Variants in DNAH5 observed in about 807,000 individuals in gnomAD.
DNAH5 encodes the protein dynein axonemal heavy chain 5, also known as axonemal beta dynein heavy chain 5.
DNAH5 carries 372 observed loss-of-function variants against 518.2 expected under a neutral mutation model. That is an observed-to-expected ratio of 0.72 (90% confidence interval 0.66 to 0.78). The LOEUF (loss-of-function observed/expected upper bound fraction) is 0.78, where lower values mean the gene tolerates loss of function less well. DNAH5 is among the 30% of genes least tolerant of loss of function. The pLI, the probability that DNAH5 is intolerant of heterozygous loss-of-function variation, is 0.00. For synonymous variants in DNAH5, 2,039 were observed against 2,025.9 expected, an observed-to-expected ratio of 1.01 and a Z score of -0.17; for missense variants, 5,523 against 5,687.0, an observed-to-expected ratio of 0.97 and a Z score of 0.93.
At chr5:13,810,312 T>A in intron 44 of DNAH5, 52 bp from the exon 45 acceptor site, 2 of 1,485,646 alleles carry the variant, frequency 1.3e-6, no homozygotes, top group Non-Finnish European at 1.8e-6. Context: ...AACCCAAACG[T>A]TGCTCTAGGG....
chr5:13,798,580 C>A (rs1758195954), intron 47 of DNAH5, among the ~76,000 whole-genome samples: 1 of 151,824 alleles, frequency 6.6e-6, no homozygotes, highest in Admixed American at 6.6e-5. Context: ...TGTTTTATTT[C>A]ATGACAAAGA....
At chr5:14,005,740 C>T (rs555231835) in intron 1 of DNAH5, among the ~76,000 whole-genome samples, 11 of 152,328 alleles carry the variant, frequency 7.2e-5, no homozygotes, top group Non-Finnish European at 1.2e-4. Context: ...CCAGAATCAG[C>T]TTTGTTTCTT....
At chr5:13,902,541 T>C (rs995032095) in intron 12 of DNAH5, among the ~76,000 whole-genome samples, 5 of 152,214 alleles carry the variant, frequency 3.3e-5, no homozygotes, top group Non-Finnish European at 5.9e-5. Flanking sequence ...GCAAAGAGGC[T>C]TGACATCTGC....
chr5:13,812,895 T>C (rs1020704289), intron 43 of DNAH5, among the ~76,000 whole-genome samples: 1 of 152,198 alleles, frequency 6.6e-6, no homozygotes, highest in African/African-American at 2.4e-5. Context: ...AGCAATAAAA[T>C]GTTGATTCTG....
At chr5:13,829,754 C>A in intron 37 of DNAH5, 50 bp from the exon 38 acceptor site, 1 of 1,528,376 alleles carries the variant, frequency 6.5e-7, no homozygotes, top group South Asian at 1.1e-5. Flanking sequence ...AAGCACACAT[C>A]AGCATCATAT....
At chr5:13,900,674 C>A in intron 14 of DNAH5, 2 of 500,146 alleles carry the variant, frequency 4.0e-6, no homozygotes, top group Non-Finnish European at 7.2e-6. Flanking sequence ...GACACTGCAA[C>A]AGTGGTGGCG....
chr5:13,767,669 T>C (rs541957146), intron 58 of DNAH5, among the ~76,000 whole-genome samples: 1 of 152,210 alleles, frequency 6.6e-6, no homozygotes, highest in Non-Finnish European at 1.5e-5. Flanking sequence ...TCAAACAGCA[T>C]GGTGCTCAGC....
intron 30 of DNAH5, among the ~76,000 whole-genome samples, chr5:13,857,773 A>C (rs183835379): frequency 6.6e-6 from 1 of 152,344 alleles, no homozygotes; most frequent in East Asian, 1.9e-4. Context: ...AGGATTCCCT[A>C]TTTATTAAAT....
At chr5:13,779,846 G>A (rs1379013713) in intron 53 of DNAH5, among the ~76,000 whole-genome samples, 4 of 152,076 alleles carry the variant, frequency 2.6e-5, no homozygotes, top group Non-Finnish European at 5.9e-5. Context: ...TCTCACTGCT[G>A]CCACTCATGA....
At chr5:13,764,795 A>C (rs1423321298) in intron 59 of DNAH5, among the ~76,000 whole-genome samples, 1 of 152,252 alleles carries the variant, frequency 6.6e-6, no homozygotes, top group Non-Finnish European at 1.5e-5. Flanking sequence ...CCCAAAATTC[A>C]TCAAAAGTAC....
chr5:13,954,905 A>G (rs1405391937), intron 1 of DNAH5, among the ~76,000 whole-genome samples: 4 of 152,262 alleles, frequency 2.6e-5, no homozygotes, highest in East Asian at 3.9e-4. Flanking sequence ...AAATCATCTC[A>G]GCCAGTTCTC....
Position 13,795,733 on chromosome 5 carries a change from C to A in DNAH5, c.7888-1675G>T, listed in dbSNP as rs184618027. On this transcript the variant is annotated intron_variant, in intron 47 of 78. Coordinates refer to ENST00000265104, the MANE Select transcript of DNAH5 (RefSeq NM_001369.3). The stretch of plus-strand genomic sequence containing the variant: ...GCGTCATCCTGATACCAAAGCCTGG[C>A]AGAGTCACAACAAAAAAAGAGAGTT... Among the ~76,000 whole-genome samples the A allele has an allele frequency of 2.2e-5, 2 of 90,668 alleles. 1 individual carries two copies. The highest frequency in any genetic ancestry group is 4.8e-5 in the Non-Finnish European group (2 of 42,074). The allele number at this position is 90,668 out of a possible 152,430, so 59.5% of individuals were successfully genotyped here.
At chr5:13,853,071 C>G (rs1002178485) in intron 30 of DNAH5, among the ~76,000 whole-genome samples, 2 of 152,354 alleles carry the variant, frequency 1.3e-5, no homozygotes, top group African/African-American at 2.4e-5. Flanking sequence ...TGCTTCCTGA[C>G]AGGGAGACAC....
intron 14 of DNAH5, 43 bp from the exon 15 acceptor site, chr5:13,900,455 T>A: frequency 2.0e-6 from 3 of 1,480,500 alleles, no homozygotes; most frequent in Non-Finnish European, 2.8e-6. Context: ...AAAGTTCAAT[T>A]CATGCAGAGT....
chr5:13,817,815 T>C (rs927753387), intron 41 of DNAH5, 121 bp from the exon 42 acceptor site: 42 of 857,978 alleles, frequency 4.9e-5, no homozygotes, highest in Middle Eastern at 2.3e-4. Context: ...ACTGCAGAAC[T>C]ACATTGAAAA....
At chr5:13,772,837 T>C (rs1402537669) in intron 55 of DNAH5, among the ~76,000 whole-genome samples, 1 of 152,212 alleles carries the variant, frequency 6.6e-6, no homozygotes, top group East Asian at 1.9e-4. Context: ...ACGAATGATA[T>C]ATTTCTTTCT....
rs781418120 is a variant in DNAH5, at chr5:13,870,924, C to T, written c.3677G>A (p.Arg1226Gln). ...CATAAAAATGTTTTCCATCTCACTC[C>T]GGTATTTTTTGTTACAGTGGCGTCC... ...VIGRHCNKKY[R>Q]SEMENIFMLI... Residue 1226 changes from arginine (R) to glutamine (Q), a missense_variant, in exon 24 of 79, where the codon CGG becomes CAG. Physicochemically the swap from Arg to Gln is conservative, Grantham distance 43. Transcript: ENST00000265104. 6.2e-6 allele frequency: 10 copies of T among 1,613,622 alleles called. No homozygotes were observed. Among genetic ancestry groups the T allele is most frequent in the East Asian group, 4.5e-5 (2 of 44,872 alleles).
chr5:13,900,145 T>A (rs541735636), intron 15 of DNAH5, 61 bp downstream of exon 15: 14 of 1,440,214 alleles, frequency 9.7e-6, no homozygotes, highest in African/African-American at 2.8e-5. Flanking sequence ...CATCACCATA[T>A]TTTTTTATAA....
chr5:13,737,977 C>A (rs1206138404), intron 65 of DNAH5, among the ~76,000 whole-genome samples: 2 of 151,858 alleles, frequency 1.3e-5, no homozygotes, highest in Non-Finnish European at 2.9e-5. Flanking sequence ...GCAGGAGAAT[C>A]CCTTGAGCCA....
Sources: allele counts gnomAD v4.1 joint callset (sites outside exome capture counted in the v4.1 genomes callset), GRCh38; gene constraint gnomAD v4.1.1; transcripts MANE v1.5; gene names NCBI Gene and HGNC (gene_info 2026-07-23, HGNC 2026-07-21).